SGCD: variants seen among roughly 807,000 people sequenced by gnomAD.
SGCD encodes delta-sarcoglycan.
A neutral mutation model predicts 36.6 loss-of-function variants in SGCD; 18 were observed. That is an observed-to-expected ratio of 0.49 (90% CI 0.34 to 0.73). The LOEUF is 0.73. SGCD is among the 30% of genes least tolerant of loss of function. The pLI is 0.01. For missense variants in SGCD, 387 were observed against 346.7 expected (o/e 1.12, Z -0.92); for synonymous variants, 133 against 130.6 (o/e 1.02, Z -0.12).
At chr5:155,768,271 T>TTTG in the SGCD span, among the ~76,000 whole-genome samples, 4 of 144,488 alleles carry the variant, frequency 2.8e-5, no homozygotes, top group Non-Finnish European at 4.5e-5. Context: ...TTGTTTTTGT[T>TTTG]TTGTTGTTGT....
chr5:155,765,123 T>A, the SGCD span, among the ~76,000 whole-genome samples: 1 of 151,432 alleles, frequency 6.6e-6, no homozygotes, highest in African/African-American at 2.4e-5. Context: ...TACAAAAAAA[T>A]TTAAAGATTA....
chr5:155,908,475 TTGAG>T (rs1331642001), intron 1 of SGCD, among the ~76,000 whole-genome samples: 1 of 152,160 alleles, frequency 6.6e-6, no homozygotes, highest in Non-Finnish European at 1.5e-5. Flanking sequence ...AACAACTTTG[TTGAG>T]TAAGTTTGGA....
chr5:155,992,493 C>T (rs767904470), intron 1 of SGCD, among the ~76,000 whole-genome samples: 1 of 152,154 alleles, frequency 6.6e-6, no homozygotes, highest in Admixed American at 6.5e-5. Context: ...AACCTAAACA[C>T]ATTTTCATAT....
intron 3 of SGCD, among the ~76,000 whole-genome samples, chr5:156,463,325 A>G (rs893162064): frequency 2.0e-5 from 3 of 152,074 alleles, no homozygotes; most frequent in Admixed American, 1.3e-4. Flanking sequence ...TACAGACATG[A>G]GCCACCGTGC....
intron 3 of SGCD, among the ~76,000 whole-genome samples, chr5:156,260,941 A>G (rs1561589036): frequency 6.6e-6 from 1 of 152,110 alleles, no homozygotes; most frequent in Non-Finnish European, 1.5e-5. Flanking sequence ...GCTATTCTTC[A>G]TTGTATTAAT....
chr5:156,471,247 A>G (rs1213112934), intron 3 of SGCD, among the ~76,000 whole-genome samples: 1 of 152,214 alleles, frequency 6.6e-6, no homozygotes, highest in Non-Finnish European at 1.5e-5. Context: ...ATTCATCTAT[A>G]GTGTTAATGC....
intron 3 of SGCD, among the ~76,000 whole-genome samples, chr5:156,420,729 A>G (rs988032702): frequency 6.6e-6 from 1 of 152,160 alleles, no homozygotes; most frequent in Non-Finnish European, 1.5e-5. Flanking sequence ...GTAATTGCTA[A>G]GACAATTAGC....
At chr5:156,075,424 T>C (rs1436318488) in intron 1 of SGCD, among the ~76,000 whole-genome samples, 2 of 152,182 alleles carry the variant, frequency 1.3e-5, no homozygotes, top group African/African-American at 4.8e-5. Flanking sequence ...TATGGGTAGA[T>C]GCACAGAGGT....
chr5:156,065,488 C>G (rs1198467726), intron 1 of SGCD, among the ~76,000 whole-genome samples: 2 of 95,718 alleles, frequency 2.1e-5, no homozygotes, highest in Non-Finnish European at 4.1e-5. Flanking sequence ...TCCTGGGTAT[C>G]CTTGTTGACT....
intron 1 of SGCD, among the ~76,000 whole-genome samples, chr5:155,990,503 A>G (rs1326703880): frequency 4.6e-5 from 7 of 152,174 alleles, no homozygotes; most frequent in Non-Finnish European, 7.4e-5. Context: ...GCAGGATGGG[A>G]TTTCCACATG....
intron 6 of SGCD, among the ~76,000 whole-genome samples, chr5:156,596,404 G>A (rs553556506): frequency 1.3e-5 from 2 of 152,188 alleles, no homozygotes; most frequent in African/African-American, 4.8e-5. Context: ...TATAATAGAA[G>A]TATCTATCTT....
intron 3 of SGCD, among the ~76,000 whole-genome samples, chr5:156,471,926 AAGAC>A (rs779099220): frequency 5.4e-5 from 8 of 147,650 alleles, no homozygotes; most frequent in African/African-American, 8.1e-5. Flanking sequence ...TCAAGAATAA[AAGAC>A]AGTGATTTTT....
At chr5:156,347,675 A>G (rs1349855911) in intron 3 of SGCD, among the ~76,000 whole-genome samples, 1 of 152,188 alleles carries the variant, frequency 6.6e-6, no homozygotes, top group African/African-American at 2.4e-5. Context: ...ACTGTCACAA[A>G]TTTAATTTGT....
intron 1 of SGCD, among the ~76,000 whole-genome samples, chr5:155,922,179 C>T (rs1336205237): frequency 3.3e-5 from 5 of 152,130 alleles, no homozygotes; most frequent in Admixed American, 2.0e-4. Flanking sequence ...GTTTGTTGAT[C>T]GTTAGGGCTC....
the SGCD span, among the ~76,000 whole-genome samples, chr5:155,773,886 G>GA: frequency 6.6e-6 from 1 of 152,162 alleles, no homozygotes; most frequent in Admixed American, 6.6e-5. Context: ...CGGAGCACAG[G>GA]ATGTGGGTGG....
rs961640632 is a variant in SGCD, at chr5:156,202,859, G to A, written c.-44+78840G>A. On this transcript the variant is annotated intron_variant, in intron 3 of 9. Transcript: ENST00000517913. ...GGTACCCTGTTTCTGTATGCCTCTTGTGACATAACAGTGTTTCCCAAAGTG... is the reference window on the plus strand; with the variant it reads ...GGTACCCTGTTTCTGTATGCCTCTTATGACATAACAGTGTTTCCCAAAGTG... 8.7e-5 allele frequency among the ~76,000 whole-genome samples: 13 copies of A among 149,068 alleles called. No individual in the cohort carries two copies. In the East Asian group the frequency reaches 2.6e-3, roughly 30 times the overall value.
intron 1 of SGCD, among the ~76,000 whole-genome samples, chr5:156,082,931 C>T (rs186679572): frequency 2.3e-4 from 35 of 151,052 alleles, no homozygotes; most frequent in African/African-American, 6.9e-4. Flanking sequence ...TTGATGTTGT[C>T]GCTAATTTTT....
chr5:155,870,603 G>T (rs951864289), intron 1 of SGCD, among the ~76,000 whole-genome samples: 5 of 152,106 alleles, frequency 3.3e-5, no homozygotes, highest in African/African-American at 1.2e-4. Flanking sequence ...AAGAATCAAA[G>T]ATTTTAATAT....
chr5:156,553,009 G>A (rs1269444250), intron 4 of SGCD, among the ~76,000 whole-genome samples: 1 of 152,190 alleles, frequency 6.6e-6, no homozygotes, highest in Non-Finnish European at 1.5e-5. Flanking sequence ...GTTCAAGATT[G>A]AGCATCTGCC....
Sources: allele counts gnomAD v4.1 joint callset (sites outside exome capture counted in the v4.1 genomes callset), GRCh38; gene constraint gnomAD v4.1.1; transcripts MANE v1.5; gene names NCBI Gene and HGNC (gene_info 2026-07-23, HGNC 2026-07-21).